Variants in ANKAR observed in about 807,000 individuals in gnomAD.
The protein encoded by ANKAR is ankyrin and armadillo repeat containing, also known as ankyrin and armadillo repeat-containing protein.
A neutral mutation model predicts 146.2 loss-of-function variants in ANKAR; 136 were observed. The observed-to-expected ratio is 0.93, with a 90% CI of 0.81 to 1.07. The LOEUF (loss-of-function observed/expected upper bound fraction) is 1.07. ANKAR is among the 50% of genes least tolerant of loss of function. The pLI, the probability that ANKAR is intolerant of heterozygous loss-of-function variation, is 0.00. For synonymous variants in ANKAR, 500 were observed against 575.8 expected (o/e 0.87, Z 1.88); for missense variants, 1,567 against 1,679.9 (o/e 0.93, Z 1.18).
intron 5 of ANKAR, among the ~76,000 whole-genome samples, chr2:189,694,236 A>G (rs1263178162): frequency 6.6e-6 from 1 of 152,098 alleles, no homozygotes; most frequent in African/African-American, 2.4e-5. Flanking sequence ...TCTCAAGAAA[A>G]AAGAATACTG....
At chr2:189,755,265 C>T in intron 18 of ANKAR, 1 of 1,613,464 alleles carries the variant, frequency 6.2e-7, no homozygotes, top group Non-Finnish European at 8.5e-7. Context: ...AGACAGTGAC[C>T]TCCAGAAATC....
intron 12 of ANKAR, 37 bp from the exon 13 acceptor site, chr2:189,727,819 T>A (rs1461994559): frequency 6.3e-7 from 1 of 1,593,970 alleles, no homozygotes; most frequent in Admixed American, 1.7e-5. Context: ...TTATTTTTCA[T>A]AAGGTTTATT....
chr2:189,680,394 TG>T (rs1388514589), intron 2 of ANKAR, among the ~76,000 whole-genome samples: 7 of 152,164 alleles, frequency 4.6e-5, no homozygotes, highest in African/African-American at 7.2e-5. Flanking sequence ...ACCAGCTTTT[TG>T]TTTCATTTAT....
chr2:189,689,536 A>G lies in ANKAR; in HGVS notation c.611A>G (p.Asp204Gly), dbSNP rs749794330. Residue 204 changes from aspartate to glycine, a missense_variant, in exon 3 of 23, where the codon GAT (aspartate) becomes GGT (glycine). Coordinates refer to ENST00000684021, the MANE Select transcript of ANKAR (RefSeq NM_001378068.1). ...CTTTTTTATCATGAAGGTTTGACTGATATTACAAAGGATCCAGACTTTAAT... is the reference window on the plus strand; with the variant it reads ...CTTTTTTATCATGAAGGTTTGACTGGTATTACAAAGGATCCAGACTTTAAT... ...FSEFSSAGLTDITKDPDFNEI... is the reference protein window; with the variant it reads ...FSEFSSAGLTGITKDPDFNEI... 3.8e-6 allele frequency: 6 copies of G among 1,573,348 alleles called. No individual in the cohort carries two copies. The Admixed American group carries it at 8.0e-5, about 21-fold the overall frequency.
rs1270636018 is a variant in ANKAR, at chr2:189,719,768, A to G, written c.2421A>G (p.Leu807=). The part of the protein sequence containing the change: ...PEVHSRCAVI[L]YDIAQCENKD... Reference sequence around the variant, plus strand: ...TACACTCTCGCTGTGCTGTCATTCTATATGATATTGCTCAATGTGAAAACA... The same window carrying G: ...TACACTCTCGCTGTGCTGTCATTCTGTATGATATTGCTCAATGTGAAAACA... The change falls in exon 11 of 23, where the codon CTA becomes CTG. Residue 807 remains leucine, a synonymous_variant. Transcript: ENST00000684021. The G allele has an allele frequency of 1.7e-5, 27 of 1,609,942 alleles. No homozygotes were observed. The highest frequency in any genetic ancestry group is 2.2e-5 in the East Asian group (1 of 44,744).
At chr2:189,761,191 G>A (rs758677210) in exon 19 of ANKAR, 2 of 360,936 alleles carry the variant, frequency 5.5e-6, no homozygotes, top group Non-Finnish European at 9.8e-6. Context: ...CGGAAGCTGG[G>A]AATGAGCTCA....
chr2:189,677,223 T>A, intron 2 of ANKAR, 132 bp downstream of exon 2: 1 of 836,588 alleles, frequency 1.2e-6, no homozygotes, highest in Non-Finnish European at 1.7e-6. Flanking sequence ...AGTGCTAGGA[T>A]TACAGGCATG....
chr2:189,682,836 G>C (rs2034946770), intron 2 of ANKAR, among the ~76,000 whole-genome samples: 1 of 152,060 alleles, frequency 6.6e-6, no homozygotes, highest in South Asian at 2.1e-4. Flanking sequence ...TGGGCAATTG[G>C]GATTTATTTT....
In ANKAR at chr2:189,719,626, G is replaced by T. The variant is rs1337422184; in HGVS notation, c.2279G>T (p.Cys760Phe). Reference protein sequence around the residue: ...LLKSSKIKLQCKTVGLLSNIS... With the variant: ...LLKSSKIKLQFKTVGLLSNIS... The stretch of plus-strand genomic sequence containing the variant: ...AAAAGTTCCAAAATAAAACTGCAGT[G>T]CAAAACTGTTGGGTTATTGAGTAAT... The change falls in exon 11 of 23, where the codon TGC becomes TTC. Residue 760 changes from cysteine (C) to phenylalanine (F), a missense_variant. Cys to Phe is a radical substitution (Grantham distance 205). Coordinates refer to ENST00000684021, the MANE Select transcript of ANKAR (RefSeq NM_001378068.1). 1 of 1,613,704 alleles carries T rather than the reference G, an allele frequency of 6.2e-7. No homozygotes were observed. Among genetic ancestry groups the T allele is most frequent in the Non-Finnish European group, 8.5e-7 (1 of 1,179,828 alleles).
rs2037193251 is a variant in ANKAR at position 189,696,292 on chromosome 2, A to G, written c.1631A>G (p.Asn544Ser). The G allele has an allele frequency of 6.2e-7, 1 of 1,614,104 alleles. No homozygotes were observed. Among genetic ancestry groups the G allele is most frequent in the Non-Finnish European group, 8.5e-7 (1 of 1,180,006 alleles). Residue 544 changes from asparagine (N) to serine (S), a missense_variant, in exon 7 of 23, where the codon AAC becomes AGC. Transcript: ENST00000684021. Reference sequence around the variant, plus strand: ...ATTTTTCATCATGCTGCCCTGCACAACAGAGTTTCTATTATATGTCAACTG... The same window carrying G: ...ATTTTTCATCATGCTGCCCTGCACAGCAGAGTTTCTATTATATGTCAACTG... ...YTIFHHAALH[N>S]RVSIICQLCN...
intron 18 of ANKAR, chr2:189,755,332 A>C: frequency 6.2e-7 from 1 of 1,613,454 alleles, no homozygotes; most frequent in Non-Finnish European, 8.5e-7. Context: ...TAAGTGCATG[A>C]GCCTCCATAT....
At chr2:189,753,056 T>C in intron 18 of ANKAR, 1 of 1,326,036 alleles carries the variant, frequency 7.5e-7, no homozygotes, top group Middle Eastern at 2.0e-4. Flanking sequence ...TGGAGAAAAA[T>C]ATCAGCATTA....
In ANKAR at chr2:189,711,172, A is replaced by T. The variant is rs759611507; in HGVS notation, c.2224+19A>T. On this transcript the variant is annotated intron_variant, in intron 10 of 22. Transcript: ENST00000684021. ...GATGCAGGTGATGCAAACTCTATTAATAACTTTTTATGCTATTTTATGTAG... is the reference window on the plus strand; with the variant it reads ...GATGCAGGTGATGCAAACTCTATTATTAACTTTTTATGCTATTTTATGTAG... 1 of 1,544,044 alleles carries T rather than the reference A, an allele frequency of 6.5e-7. No individual in the cohort carries two copies.
intron 18 of ANKAR, among the ~76,000 whole-genome samples, chr2:189,760,113 T>C (rs2046779683): frequency 6.6e-6 from 1 of 152,190 alleles, no homozygotes; most frequent in South Asian, 2.1e-4. Flanking sequence ...GGCAGAAGGA[T>C]TTTTCTTAGT....
chr2:189,697,861 G>C (rs1408751321), intron 7 of ANKAR, among the ~76,000 whole-genome samples: 1 of 145,490 alleles, frequency 6.9e-6, no homozygotes, highest in African/African-American at 2.6e-5. Context: ...GCAGCCATTT[G>C]GGGGGCAGAG....
downstream of ANKAR, among the ~76,000 whole-genome samples, chr2:189,751,645 A>G (rs189568558): frequency 0.011 from 1,713 of 151,212 alleles, 18 homozygotes; most frequent in Non-Finnish European, 0.019. Flanking sequence ...GGGTTTCACC[A>G]TGTTGGCCAG....
At chr2:189,744,656 G>T in intron 21 of ANKAR, 86 bp from the exon 22 acceptor site, 1 of 940,660 alleles carries the variant, frequency 1.1e-6, no homozygotes, top group Non-Finnish European at 1.6e-6. Context: ...ACCTGGTACT[G>T]TAAGTCTTCA....
rs534766113 is a variant in ANKAR, at chr2:189,717,380, CAAT to C, written c.2225-2191_2225-2189del. The stretch of plus-strand genomic sequence containing the variant: ...ATCAGAGAAATGCAAATCAAAACAA[CAAT>C]GATATACCATCTCACACCAGTTAGA... On this transcript the variant is annotated intron_variant, in intron 10 of 22. Transcript: ENST00000684021. 5.6e-3 allele frequency among the ~76,000 whole-genome samples: 851 copies of C among 152,270 alleles called. 4 individuals carry two copies. Among genetic ancestry groups the C allele is most frequent in the Non-Finnish European group, 8.0e-3 (547 of 68,014 alleles).
chr2:189,711,844 G>A (rs2039733341), intron 10 of ANKAR, among the ~76,000 whole-genome samples: 1 of 152,236 alleles, frequency 6.6e-6, no homozygotes, highest in East Asian at 1.9e-4. Context: ...TCCTTGCCAA[G>A]GGAAGCTGTG....
Sources: allele counts gnomAD v4.1 joint callset (sites outside exome capture counted in the v4.1 genomes callset), GRCh38; gene constraint gnomAD v4.1.1; transcripts MANE v1.5; gene names NCBI Gene and HGNC (gene_info 2026-07-23, HGNC 2026-07-21).